The following GLT6D1 variants were observed in gnomAD, a reference collection of about 807,000 sequenced individuals.
GLT6D1 encodes putative glycosyltransferase 6 domain-containing protein 1.
A neutral mutation model predicts 12.3 loss-of-function variants in GLT6D1; 9 were observed. The observed-to-expected ratio is 0.73, with a 90% CI of 0.44 to 1.27. The LOEUF is 1.27. GLT6D1 is among the 50% of genes most tolerant of loss of function. The probability of loss-of-function intolerance (pLI) is 0.00; values close to 1 mark genes in which losing one functional copy is unlikely to be tolerated. For missense variants in GLT6D1, 335 were observed against 346.2 expected (o/e 0.97, Z 0.26); for synonymous variants, 128 against 132.3 (o/e 0.97, Z 0.23).
At position 135,631,554 on chromosome 9, in the gene GLT6D1, G is replaced by A. The variant is rs7024426; in HGVS notation, c.72-76C>T. 2,958 of 1,140,148 alleles carry A rather than the reference G, an allele frequency of 2.6e-3. 47 individuals are homozygous for A. The African/African-American group carries it at 0.038, about 15-fold the overall frequency. The allele number at this position is 1,140,148 out of a possible 1,614,324, so 70.6% of individuals were successfully genotyped here. Reference sequence around the variant, plus strand: ...ATTGAGCCTGTGATAGGCAGGCCCCGTTTGGTGTTTCGTCAACATGCATCA... The same window carrying A: ...ATTGAGCCTGTGATAGGCAGGCCCCATTTGGTGTTTCGTCAACATGCATCA... On this transcript the variant is annotated intron_variant, in intron 2 of 4. Coordinates refer to ENST00000371763, the MANE Select transcript of GLT6D1 (RefSeq NM_182974.3).
At chr9:135,636,012 T>A (rs1244627505) in intron 2 of GLT6D1, among the ~76,000 whole-genome samples, 2 of 152,198 alleles carry the variant, frequency 1.3e-5, no homozygotes, top group Non-Finnish European at 2.9e-5. Flanking sequence ...TTGACCCAAA[T>A]ACATGTACAG....
At chr9:135,624,724 C>CA in intron 4 of GLT6D1, 54 bp from the exon 5 acceptor site, 2 of 559,480 alleles carry the variant, frequency 3.6e-6, no homozygotes, top group East Asian at 6.3e-5. Flanking sequence ...TCTTTTCTTT[C>CA]TTTTTTTTTT....
At position 135,624,342 on chromosome 9, in the gene GLT6D1, C is replaced by G. The variant is rs182523305; in HGVS notation, c.586G>C (p.Ala196Pro). 6.2e-7 allele frequency: 1 copy of G among 1,612,958 alleles called. No homozygotes were observed. Among genetic ancestry groups the G allele is most frequent in the Non-Finnish European group, 8.5e-7 (1 of 1,179,412 alleles). Reference protein sequence around the residue: ...TLGPLVAQLHAWWYFRNTKNF... With the variant: ...TLGPLVAQLHPWWYFRNTKNF... Reference sequence around the variant, plus strand: ...TTGGTGTTTCTGAAATACCACCAGGCGTGGAGCTGGGCCACCAACGGGCCC... The same window carrying G: ...TTGGTGTTTCTGAAATACCACCAGGGGTGGAGCTGGGCCACCAACGGGCCC... Residue 196 changes from alanine (A) to proline (P), a missense_variant, in exon 5 of 5, where the codon GCC becomes CCC. By Grantham distance (27) the Ala-to-Pro change is conservative. Coordinates refer to ENST00000371763, the MANE Select transcript of GLT6D1 (RefSeq NM_182974.3).
chr9:135,629,579 CTTG>C (rs1208978980), intron 3 of GLT6D1, among the ~76,000 whole-genome samples: 3 of 152,042 alleles, frequency 2.0e-5, no homozygotes, highest in African/African-American at 7.2e-5. Context: ...GTATTCTTCT[CTTG>C]TTAGGTGGTT....
chr9:135,640,108 A>G (rs1833861225), upstream of GLT6D1, among the ~76,000 whole-genome samples: 1 of 152,122 alleles, frequency 6.6e-6, no homozygotes, highest in African/African-American at 2.4e-5. Flanking sequence ...TTTAACAAAC[A>G]TGACACTTTA....
chr9:135,633,417 T>A (rs10858142), intron 2 of GLT6D1, among the ~76,000 whole-genome samples: 2 of 151,756 alleles, frequency 1.3e-5, no homozygotes, highest in Non-Finnish European at 2.9e-5. Context: ...GCCTGGCTAA[T>A]GTTTTTTTAA....
At position 135,631,456 on chromosome 9, in the gene GLT6D1, G is replaced by T. The variant is rs752150072; in HGVS notation, c.94C>A (p.Arg32=). 1 of 1,611,490 alleles carries T rather than the reference G, an allele frequency of 6.2e-7. No homozygotes were observed. The highest frequency in any genetic ancestry group is 8.5e-7 in the Non-Finnish European group (1 of 1,177,712). ...CTAGGATGAAACCAGTCTGAGAGCC[G>T]AAGTTCTTCTACTTGGTGATTCCTG... ...YFRNHQVEEL[R]LSDWFHPRKR... The change falls in exon 3 of 5, where the codon CGG becomes AGG. Residue 32 remains arginine (R), a synonymous_variant. Transcript: ENST00000371763.
chr9:135,625,726 G>A (rs181793375), intron 4 of GLT6D1, among the ~76,000 whole-genome samples: 7 of 152,290 alleles, frequency 4.6e-5, no homozygotes, highest in Admixed American at 3.3e-4. Flanking sequence ...ACAAATAGGC[G>A]ACGTCTGGGA....
chr9:135,627,838 C>G (rs867243375), intron 3 of GLT6D1, among the ~76,000 whole-genome samples: 1 of 152,048 alleles, frequency 6.6e-6, no homozygotes, highest in African/African-American at 2.4e-5. Context: ...TTTTTGTTAT[C>G]TTTTTTATTC....
At chr9:135,638,866 CA>C (rs907981528) in intron 2 of GLT6D1, among the ~76,000 whole-genome samples, 10 of 151,870 alleles carry the variant, frequency 6.6e-5, no homozygotes, top group African/African-American at 2.2e-4. Context: ...TAAGTCTCTA[CA>C]AAAAAAATTC....
intron 3 of GLT6D1, among the ~76,000 whole-genome samples, chr9:135,629,975 T>G (rs1370145611): frequency 1.3e-5 from 2 of 152,212 alleles, no homozygotes; most frequent in Non-Finnish European, 2.9e-5. Context: ...CCAATTTGCA[T>G]CTTTGAATCT....
chr9:135,624,258 C>T lies in GLT6D1; in HGVS notation c.670G>A (p.Asp224Asn). 2 of 1,604,384 alleles carry T rather than the reference C, an allele frequency of 1.2e-6. No individual in the cohort carries two copies. Among genetic ancestry groups the T allele is most frequent in the Non-Finnish European group, 8.5e-7 (1 of 1,176,050 alleles). The change falls in exon 5 of 5, where the codon GAT becomes AAT. Residue 224 changes from aspartate (D) to asparagine (N), a missense_variant. Transcript: ENST00000371763. ...ACCATCAAGTTGCCATAATAGAAATCTCCCTGTCCAAACGGGATGCAAGCT... is the reference window on the plus strand; with the variant it reads ...ACCATCAAGTTGCCATAATAGAAATTTCCCTGTCCAAACGGGATGCAAGCT... ...SAACIPFGQGDFYYGNLMVGG... is the reference protein window; with the variant it reads ...SAACIPFGQGNFYYGNLMVGG...
At chr9:135,636,138 T>C (rs905934072) in intron 2 of GLT6D1, among the ~76,000 whole-genome samples, 1 of 152,184 alleles carries the variant, frequency 6.6e-6, no homozygotes, top group Admixed American at 6.5e-5. Context: ...GCGGATCACC[T>C]GAGGTCAGGA....
chr9:135,625,798 A>G (rs553512104), intron 4 of GLT6D1, among the ~76,000 whole-genome samples: 121 of 152,282 alleles, frequency 7.9e-4, no homozygotes, highest in African/African-American at 2.6e-3. Context: ...GCACTAGGGG[A>G]TAAATTGCAG....
intron 2 of GLT6D1, among the ~76,000 whole-genome samples, chr9:135,638,143 G>A (rs113311968): frequency 1.9e-4 from 29 of 152,250 alleles, no homozygotes; most frequent in African/African-American, 4.1e-4. Context: ...CCATGGCAGC[G>A]GCAAGAGAAA....
intron 4 of GLT6D1, among the ~76,000 whole-genome samples, chr9:135,624,984 T>G (rs1833474513): frequency 6.6e-6 from 1 of 150,828 alleles, no homozygotes; most frequent in African/African-American, 2.4e-5. Context: ...CCTCAGGTGA[T>G]CCCACCCACC....
At chr9:135,640,064 C>T (rs908368493), upstream of GLT6D1, among the ~76,000 whole-genome samples, 1 of 152,116 alleles carries the variant, frequency 6.6e-6, no homozygotes, top group Non-Finnish European at 1.5e-5. Context: ...CCGCCCACCT[C>T]AGCCTTCCAG....
At chr9:135,628,311 G>A (rs956736541) in intron 3 of GLT6D1, among the ~76,000 whole-genome samples, 18 of 151,888 alleles carry the variant, frequency 1.2e-4, no homozygotes, top group Admixed American at 9.2e-4. Flanking sequence ...TTTGTCAAAC[G>A]CTTTTTCTGC....
intron 2 of GLT6D1, among the ~76,000 whole-genome samples, chr9:135,638,690 G>T (rs1454351775): frequency 1.3e-5 from 2 of 152,054 alleles, no homozygotes; most frequent in Admixed American, 6.6e-5. Context: ...CACCTAGAAG[G>T]CACTCTGTAA....
Sources: gnomAD v4.1 joint callset for allele counts (sites outside exome capture counted in the v4.1 genomes callset) on GRCh38, gnomAD v4.1.1 for gene constraint, MANE v1.5 for transcripts, NCBI Gene and HGNC (gene_info 2026-07-23, HGNC 2026-07-21) for gene names.